Variants in NANOS3 observed in about 807,000 individuals in gnomAD.
NANOS3 encodes the protein nanos C2HC-type zinc finger 3.
A neutral mutation model predicts 13.8 loss-of-function variants in NANOS3; 11 were observed. The observed-to-expected ratio is 0.80, with a 90% confidence interval of 0.50 to 1.32. The LOEUF is 1.32. Ranked by LOEUF, NANOS3 falls within the 40% of genes most tolerant of loss-of-function variation. The pLI is 0.00. For missense variants in NANOS3, 221 were observed against 263.8 expected (o/e 0.84, Z 1.12); for synonymous variants, 119 against 115.4 (o/e 1.03, Z -0.20).
At chr19:13,871,621 G>T (rs960874279) in intron 1 of NANOS3, among the ~76,000 whole-genome samples, 7 of 152,164 alleles carry the variant, frequency 4.6e-5, no homozygotes, top group Admixed American at 3.3e-4. Context: ...GGACACACAG[G>T]AGGTGTCTGG....
chr19:13,879,072 TG>T (rs1968577678), intron 1 of NANOS3, among the ~76,000 whole-genome samples: 4 of 152,120 alleles, frequency 2.6e-5, no homozygotes, highest in Admixed American at 1.3e-4. Context: ...CCCGAGTAGC[TG>T]GGATTACAGG....
chr19:13,876,191 T>A (rs1968506140), upstream of NANOS3, among the ~76,000 whole-genome samples: 1 of 152,132 alleles, frequency 6.6e-6, no homozygotes, highest in South Asian at 2.1e-4. Context: ...CAGGCTGGAG[T>A]GCAGTGGCTT....
At position 13,867,831 on chromosome 19, in the gene NANOS3, T is replaced by A. The variant is rs76152224; in HGVS notation, n.21+2394T>A. On this transcript the variant is annotated intron_variant and non_coding_transcript_variant, in intron 1 of 2. Coordinates refer to the NANOS3 transcript ENST00000591161. The stretch of plus-strand genomic sequence containing the variant: ...ACAAAGACACTGTCACCCACAAAGA[T>A]ATATGAGCACGAACCCAGTGGCCAT... Among the ~76,000 whole-genome samples the A allele has an allele frequency of 7.2e-4, 109 of 152,154 alleles. 1 individual carries two copies. The highest frequency in any genetic ancestry group is 2.5e-3 in the African/African-American group (105 of 41,504).
chr19:13,869,814 AACACACAG>A (rs1976299249), intron 1 of NANOS3, among the ~76,000 whole-genome samples: 1 of 151,602 alleles, frequency 6.6e-6, no homozygotes, highest in Non-Finnish European at 1.5e-5. Context: ...AGTTACATAC[AACACACAG>A]ACACACAGGA....
upstream of NANOS3, among the ~76,000 whole-genome samples, chr19:13,864,005 C>A (rs900589182): frequency 2.6e-5 from 4 of 152,100 alleles, no homozygotes; most frequent in East Asian, 7.7e-4. Context: ...ATCCCCCTCT[C>A]AGACTGGGGT....
upstream of NANOS3, among the ~76,000 whole-genome samples, chr19:13,874,299 G>C (rs1004775002): frequency 5.4e-4 from 82 of 152,290 alleles, no homozygotes; most frequent in African/African-American, 1.9e-3. Flanking sequence ...TCTCCACGTT[G>C]CATCAATGCC....
chr19:13,869,097 G>A (rs1055204953), intron 1 of NANOS3, among the ~76,000 whole-genome samples: 1 of 152,100 alleles, frequency 6.6e-6, no homozygotes, highest in African/African-American at 2.4e-5. Flanking sequence ...TTGAGACGGA[G>A]CCCACCCTGA....
In NANOS3 at chr19:13,877,345, CAGCCAG is replaced by C. The variant is rs752163959; in HGVS notation, c.109_114del (p.Glu37_Pro38del). The C allele has an allele frequency of 1.6e-5, 25 of 1,608,172 alleles. No individual in the cohort carries two copies. The highest frequency in any genetic ancestry group is 2.0e-5 in the Non-Finnish European group (23 of 1,179,374). The stretch of plus-strand genomic sequence containing the variant: ...GGGTCCTGAAACCAGGCTGAGCCCC[CAGCCAG>C]AGCCAGAGCCAATGCTGGAGCCGGT... On this transcript the variant is annotated inframe_deletion, in exon 1 of 2. Coordinates refer to ENST00000339133, the MANE Select transcript of NANOS3 (RefSeq NM_001098622.3).
At chr19:13,866,042 G>A (rs1976234032) in intron 1 of NANOS3, among the ~76,000 whole-genome samples, 2 of 152,142 alleles carry the variant, frequency 1.3e-5, no homozygotes, top group African/African-American at 4.8e-5. Context: ...GGGTGCTGCA[G>A]CCGCGCCACC....
Position 13,877,867 on chromosome 19 carries a change from A to G in NANOS3, c.517+102A>G. On this transcript the variant is annotated intron_variant, in intron 1 of 1. Transcript: ENST00000339133. The stretch of plus-strand genomic sequence containing the variant: ...GTACCCACCTCCAAGGGTTAGGGGA[A>G]GACCTTAGAGAGAGCTTAGAACAGC... 4.2e-6 allele frequency: 6 copies of G among 1,442,104 alleles called. No homozygotes were observed. In the South Asian group the frequency reaches 4.4e-5, roughly 11 times the overall value. 89.3% of individuals were successfully genotyped at this position (1,442,104 alleles called of 1,614,324 possible). A position where few individuals can be genotyped will look rare whatever the true frequency, so the allele number is the denominator to read the frequency against.
intron 1 of NANOS3, among the ~76,000 whole-genome samples, chr19:13,868,969 A>G (rs991656469): frequency 4.6e-5 from 7 of 151,972 alleles, no homozygotes; most frequent in African/African-American, 1.7e-4. Flanking sequence ...GCCACCTGCT[A>G]TAGCACACTC....
At chr19:13,879,120 A>T (rs1599306513) in intron 1 of NANOS3, among the ~76,000 whole-genome samples, 1 of 151,952 alleles carries the variant, frequency 6.6e-6, no homozygotes, top group South Asian at 2.1e-4. Flanking sequence ...TTGTATTTTT[A>T]GTACAGACGG....
chr19:13,870,560 CTTTTTTTTTTTT>C lies in NANOS3; in HGVS notation n.21+5137_21+5148del, dbSNP rs34524831. ...GGGGCAAGGCCCTGGGATAGCGTGG[CTTTTTTTTTTTT>C]TTTTTTTTTTTTTGAGACGGAGTCT... On this transcript the variant is annotated intron_variant and non_coding_transcript_variant, in intron 1 of 2. Coordinates refer to the NANOS3 transcript ENST00000591161. Among the ~76,000 whole-genome samples the C allele has an allele frequency of 6.7e-4, 48 of 71,644 alleles. 1 individual carries two copies. The East Asian group carries it at 0.017, about 25-fold the overall frequency. The allele number at this position is 71,644 out of a possible 152,430, so 47.0% of individuals were successfully genotyped here. A position where few individuals can be genotyped will look rare whatever the true frequency, so the allele number is the denominator to read the frequency against.
At chr19:13,873,327 T>C (rs923228364), upstream of NANOS3, among the ~76,000 whole-genome samples, 1 of 149,718 alleles carries the variant, frequency 6.7e-6, no homozygotes, top group Non-Finnish European at 1.5e-5. Flanking sequence ...CCGGGTTCCG[T>C]TGCCACCACC....
chr19:13,875,026 C>T (rs370241651), upstream of NANOS3: 88 of 452,436 alleles, frequency 1.9e-4, no homozygotes, highest in Middle Eastern at 1.7e-3. Context: ...GACAGGACCC[C>T]CCACCGCCAC....
At chr19:13,862,807 G>C (rs997916770), upstream of NANOS3, among the ~76,000 whole-genome samples, 3 of 152,226 alleles carry the variant, frequency 2.0e-5, no homozygotes, top group Non-Finnish European at 4.4e-5. Context: ...AAAATGCTGT[G>C]ATTACAGGTG....
rs2145081184 is a variant in NANOS3 at position 13,877,756 on chromosome 19, G to A, written c.508G>A (p.Gly170Arg). The A allele has an allele frequency of 6.4e-7, 1 of 1,563,432 alleles. No homozygotes were observed. The change falls in exon 1 of 2, where the codon GGA becomes AGA. Residue 170 changes from glycine (G) to arginine (R), a missense_variant. Physicochemically the swap from Gly to Arg is moderately radical, Grantham distance 125. Coordinates refer to ENST00000339133, the MANE Select transcript of NANOS3 (RefSeq NM_001098622.3). ...QDTGHRRGGGGGAGFRGAGKS... is the reference protein window; with the variant it reads ...QDTGHRRGGGRGAGFRGAGKS... ...CACAGGCCACCGCCGAGGAGGAGGA[G>A]GAGGAGCAGGTGCCTGCACAGGTGG...
upstream of NANOS3, among the ~76,000 whole-genome samples, chr19:13,872,902 G>T (rs564698195): frequency 7.4e-4 from 112 of 152,228 alleles, 3 homozygotes; most frequent in South Asian, 0.022. Context: ...TCTAGAAGGT[G>T]CCGGGAGGCG....
At chr19:13,875,184 T>TCC (rs201254599), upstream of NANOS3, among the ~76,000 whole-genome samples, 26 of 144,210 alleles carry the variant, frequency 1.8e-4, no homozygotes, top group African/African-American at 6.8e-4. Context: ...GCAGCTAAAA[T>TCC]CCCCTTTTTT....
Sources: allele counts gnomAD v4.1 joint callset (sites outside exome capture counted in the v4.1 genomes callset), GRCh38; gene constraint gnomAD v4.1.1; transcripts MANE v1.5; gene names NCBI Gene and HGNC (gene_info 2026-07-23, HGNC 2026-07-21).